The following PALM2AKAP2 variants were observed in gnomAD, a reference collection of about 807,000 sequenced individuals.
PALM2AKAP2 encodes the protein PALM2 and AKAP2 fusion.
In PALM2AKAP2, 37 loss-of-function variants were observed where a neutral mutation model predicts 71.5. The ratio of observed to expected loss-of-function variants is 0.52; its 90% confidence interval spans 0.40 to 0.68. PALM2AKAP2 has a LOEUF of 0.68. PALM2AKAP2 is among the 30% of genes least tolerant of loss of function. PALM2AKAP2 has a pLI of 0.00. For missense variants in PALM2AKAP2, 1,224 were observed against 1,191.8 expected, an observed-to-expected ratio of 1.03 and a Z score of -0.40; for synonymous variants, 468 against 478.8, an observed-to-expected ratio of 0.98 and a Z score of 0.29.
chr9:109,741,438 G>T (rs1828714254), intron 1 of PALM2AKAP2, among the ~76,000 whole-genome samples: 1 of 152,126 alleles, frequency 6.6e-6, no homozygotes, highest in African/African-American at 2.4e-5. Context: ...AGGTCTTATT[G>T]TGCATATACG....
At chr9:109,992,952 TATAGAGAG>T (rs1832512853) in intron 6 of PALM2AKAP2, among the ~76,000 whole-genome samples, 1 of 144,488 alleles carries the variant, frequency 6.9e-6, no homozygotes, top group African/African-American at 2.5e-5. Flanking sequence ...TATATATATA[TATAGAGAG>T]AGAGAGAGAG....
At chr9:109,793,812 A>G (rs1331588826) in intron 1 of PALM2AKAP2, among the ~76,000 whole-genome samples, 3 of 152,246 alleles carry the variant, frequency 2.0e-5, no homozygotes, top group Non-Finnish European at 4.4e-5. Flanking sequence ...TGAGATTTGT[A>G]TGAAATTCAA....
At chr9:109,989,765 A>C (rs1247003880) in intron 6 of PALM2AKAP2, among the ~76,000 whole-genome samples, 1 of 152,166 alleles carries the variant, frequency 6.6e-6, no homozygotes, top group Non-Finnish European at 1.5e-5. Flanking sequence ...TGGGTCCATC[A>C]CAGTCTGTCC....
intron 1 of PALM2AKAP2, among the ~76,000 whole-genome samples, chr9:109,782,744 T>TTGTGTGTGTGTGTG (rs71492863): frequency 4.9e-4 from 71 of 144,306 alleles, no homozygotes; most frequent in South Asian, 1.6e-3. Flanking sequence ...GTGTGTTTGT[T>TTGTGTGTGTGTGTG]TGTGTGTGTG....
intron 6 of PALM2AKAP2, among the ~76,000 whole-genome samples, chr9:109,995,060 C>A (rs1036421631): frequency 2.0e-5 from 3 of 152,164 alleles, no homozygotes; most frequent in Admixed American, 6.5e-5. Context: ...CCAGATAATT[C>A]TTTTAAAAAT....
intron 1 of PALM2AKAP2, among the ~76,000 whole-genome samples, chr9:109,782,751 TG>T (rs1684244636): frequency 1.6e-5 from 2 of 122,978 alleles, no homozygotes; most frequent in African/African-American, 6.4e-5. Context: ...TGTTTGTGTG[TG>T]TGTGTGTGTG....
At chr9:110,021,892 T>C (rs1256541713) in intron 7 of PALM2AKAP2, among the ~76,000 whole-genome samples, 1 of 152,208 alleles carries the variant, frequency 6.6e-6, no homozygotes, top group East Asian at 1.9e-4. Flanking sequence ...GAATTAGCAT[T>C]TTTAATAAGT....
At chr9:109,981,164 T>C (rs1402745757) in intron 6 of PALM2AKAP2, among the ~76,000 whole-genome samples, 14 of 152,220 alleles carry the variant, frequency 9.2e-5, no homozygotes. Flanking sequence ...AAAAGTGGAC[T>C]GACCACAGCC....
Position 109,781,205 on chromosome 9 carries a change from C to T in PALM2AKAP2, c.45+672C>T, listed in dbSNP as rs191602089. Among the ~76,000 whole-genome samples the T allele has an allele frequency of 1.8e-3, 277 of 152,288 alleles. 2 individuals carry two copies. The highest frequency in any genetic ancestry group is 6.3e-3 in the African/African-American group (260 of 41,572). On this transcript the variant is annotated intron_variant, in intron 1 of 9. Coordinates refer to the PALM2AKAP2 transcript ENST00000302798. ...TCAGTTTTGGCAAAGTTCGTAGGCA[C>T]TTTCAGAAAAGTGTACCCATGTGCA...
chr9:109,790,754 AC>A (rs1159133579), intron 1 of PALM2AKAP2, among the ~76,000 whole-genome samples: 1 of 152,184 alleles, frequency 6.6e-6, no homozygotes, highest in Non-Finnish European at 1.5e-5. Flanking sequence ...GGCTGATATC[AC>A]GTGCTGTTTC....
intron 1 of PALM2AKAP2, among the ~76,000 whole-genome samples, chr9:109,764,654 A>G (rs1829119607): frequency 6.6e-6 from 1 of 151,954 alleles, no homozygotes; most frequent in African/African-American, 2.4e-5. Context: ...ACCTTATTCA[A>G]CTCTGCCTCA....
chr9:109,698,271 C>CTTT (rs1564117062), intron 1 of PALM2AKAP2, among the ~76,000 whole-genome samples: 105 of 137,582 alleles, frequency 7.6e-4, no homozygotes, highest in African/African-American at 3.0e-3. Context: ...ATGTGTGCTA[C>CTTT]ATTTTTTTTT....
At chr9:109,719,667 T>G (rs1828377068) in intron 1 of PALM2AKAP2, among the ~76,000 whole-genome samples, 1 of 152,182 alleles carries the variant, frequency 6.6e-6, no homozygotes, top group Non-Finnish European at 1.5e-5. Context: ...GATCAATGCT[T>G]TCAAATCTGC....
chr9:109,780,461 T>C lies in PALM2AKAP2; in HGVS notation c.-28T>C. 1.9e-6 allele frequency: 3 copies of C among 1,613,008 alleles called. No individual in the cohort carries two copies. The African/African-American group carries it at 4.0e-5, about 21-fold the overall frequency. ...ACAGCGTGTGTTTTTTCTTTCCTCT[T>C]TCCCCTGCCTGTGTGCCCTTCTCCA... On this transcript the variant is annotated 5_prime_UTR_variant, in exon 1 of 10. Coordinates refer to the PALM2AKAP2 transcript ENST00000302798.
chr9:110,130,892 C>A (rs751806737), intron 1 of PALM2AKAP2, among the ~76,000 whole-genome samples: 1 of 152,202 alleles, frequency 6.6e-6, no homozygotes, highest in Non-Finnish European at 1.5e-5. Context: ...GGATTTCTAA[C>A]ATTCATTATG....
chr9:109,679,924 CT>C (rs1179058360), intron 1 of PALM2AKAP2, among the ~76,000 whole-genome samples: 1 of 152,150 alleles, frequency 6.6e-6, no homozygotes, highest in Non-Finnish European at 1.5e-5. Flanking sequence ...CATTTATTAG[CT>C]GTGTGACTTG....
At chr9:109,913,763 T>C (rs1830623870) in intron 3 of PALM2AKAP2, among the ~76,000 whole-genome samples, 1 of 149,736 alleles carries the variant, frequency 6.7e-6, no homozygotes, top group African/African-American at 2.5e-5. Context: ...TTCTTTTTTT[T>C]TTTTTTTTTT....
At chr9:109,662,603 A>C (rs1320073369) in intron 1 of PALM2AKAP2, among the ~76,000 whole-genome samples, 1 of 150,774 alleles carries the variant, frequency 6.6e-6, no homozygotes, top group Non-Finnish European at 1.5e-5. Flanking sequence ...ATCGATGTTC[A>C]TCAGGGATAT....
chr9:109,689,742 A>C (rs62581696), intron 1 of PALM2AKAP2, among the ~76,000 whole-genome samples: 29,958 of 152,146 alleles, frequency 0.2, 3,182 homozygotes, highest in Middle Eastern at 0.32. Context: ...GGGAGGACCT[A>C]CCTTTCCAGT....
Sources: allele counts gnomAD v4.1 joint callset (sites outside exome capture counted in the v4.1 genomes callset), GRCh38; gene constraint gnomAD v4.1.1; transcripts MANE v1.5; gene names NCBI Gene and HGNC (gene_info 2026-07-23, HGNC 2026-07-21).